COG6: variants seen among roughly 807,000 people sequenced by gnomAD.
The protein encoded by COG6 is component of oligomeric golgi complex 6.
COG6 carries 74 observed loss-of-function variants against 88.8 expected under a neutral mutation model. The ratio of observed to expected loss-of-function variants is 0.83; its 90% CI spans 0.69 to 1.01. COG6 has a LOEUF of 1.01. Ranked by LOEUF, COG6 falls within the 50% of genes least tolerant of loss-of-function variation. The pLI, the probability that COG6 is intolerant of heterozygous loss-of-function variation, is 0.00. For missense variants in COG6, 800 were observed against 797.9 expected, an observed-to-expected ratio of 1.00 and a Z score of -0.03; for synonymous variants, 286 against 278.7, an observed-to-expected ratio of 1.03 and a Z score of -0.26.
rs1273890543 is a variant in COG6, at chr13:39,751,791, G to A, written c.*698G>A. ...ATTTAAACAGGGTGGATTCCACTCT[G>A]TGGGAGCCTTCGATGGAACTCAAGG... On this transcript the variant is annotated 3_prime_UTR_variant, in exon 19 of 19. Coordinates refer to ENST00000455146, the MANE Select transcript of COG6 (RefSeq NM_020751.3). 2.3e-6 allele frequency: 3 copies of A among 1,287,078 alleles called. No individual in the cohort carries two copies. The East Asian group carries it at 1.7e-4, about 71-fold the overall frequency. The allele number at this position is 1,287,078 out of a possible 1,614,324, so 79.7% of individuals were successfully genotyped here.
At chr13:39,747,779 G>A (rs540294967) in intron 18 of COG6, among the ~76,000 whole-genome samples, 1 of 152,042 alleles carries the variant, frequency 6.6e-6, no homozygotes, top group Non-Finnish European at 1.5e-5. Context: ...AGAAACAAAT[G>A]TGTCAAGTTA....
At chr13:39,681,459 G>C (rs1238857770) in intron 7 of COG6, among the ~76,000 whole-genome samples, 1 of 152,092 alleles carries the variant, frequency 6.6e-6, no homozygotes, top group South Asian at 2.1e-4. Flanking sequence ...TTACATAGTG[G>C]TTCCCAACTG....
intron 17 of COG6, among the ~76,000 whole-genome samples, chr13:39,725,766 A>G (rs1426123473): frequency 2.0e-5 from 3 of 152,028 alleles, no homozygotes; most frequent in East Asian, 1.9e-4. Flanking sequence ...ATAAAAATAG[A>G]TGAAAATGAA....
chr13:39,711,551 C>T (rs1878239249), intron 13 of COG6, among the ~76,000 whole-genome samples: 1 of 151,576 alleles, frequency 6.6e-6, no homozygotes, highest in Non-Finnish European at 1.5e-5. Context: ...TAATCTGTCC[C>T]TACTTTAGTT....
chr13:39,769,907 T>C (rs998097487), intron 18 of COG6, among the ~76,000 whole-genome samples: 1 of 152,220 alleles, frequency 6.6e-6, no homozygotes, highest in African/African-American at 2.4e-5. Flanking sequence ...GCCTTTGATC[T>C]TGGACTTCCC....
rs568699341 is a variant in COG6, at chr13:39,702,872, T to C, written c.1284+3254T>C. On this transcript the variant is annotated intron_variant, in intron 13 of 18. Transcript: ENST00000455146. ...ATCAATATACAAATGTAATTAATTT[T>C]CTTATATACCAGCTCATGAGGTGCT... Among the ~76,000 whole-genome samples the C allele has an allele frequency of 2.7e-3, 405 of 152,248 alleles. 1 individual carries two copies. Among genetic ancestry groups the C allele is most frequent in the Middle Eastern group, 6.8e-3 (2 of 294 alleles).
At chr13:39,714,457 G>T (rs1878414179) in intron 13 of COG6, among the ~76,000 whole-genome samples, 1 of 151,798 alleles carries the variant, frequency 6.6e-6, no homozygotes, top group Non-Finnish European at 1.5e-5. Flanking sequence ...TCAAAAAGTG[G>T]GCAAATGAGA....
At chr13:39,675,491 A>G (rs1875913600) in intron 4 of COG6, among the ~76,000 whole-genome samples, 1 of 152,200 alleles carries the variant, frequency 6.6e-6, no homozygotes, top group South Asian at 2.1e-4. Flanking sequence ...TTTTAAAGTT[A>G]CCATCTTGAT....
At chr13:39,679,347 A>G in intron 5 of COG6, 191 bp from the exon 6 acceptor site, 1 of 586,200 alleles carries the variant, frequency 1.7e-6, no homozygotes, top group Non-Finnish European at 3.1e-6. Context: ...TTAATATATT[A>G]ATATGTCTTA....
chr13:39,771,800 C>T (rs895726052), intron 18 of COG6, among the ~76,000 whole-genome samples: 12 of 152,214 alleles, frequency 7.9e-5, no homozygotes, highest in Non-Finnish European at 1.6e-4. Context: ...CATCTCATCC[C>T]CCTGCCTGAT....
At chr13:39,757,406 A>G (rs1880873039), downstream of COG6, among the ~76,000 whole-genome samples, 1 of 152,052 alleles carries the variant, frequency 6.6e-6, no homozygotes, top group Admixed American at 6.5e-5. Context: ...AAGAAACATA[A>G]AAGAAGAGCA....
chr13:39,677,789 T>C (rs1876062539), intron 5 of COG6, among the ~76,000 whole-genome samples: 1 of 152,224 alleles, frequency 6.6e-6, no homozygotes, highest in African/African-American at 2.4e-5. Flanking sequence ...AAAGAAAATC[T>C]ATGTCACCTA....
chr13:39,740,911 C>T (rs762833108), intron 18 of COG6, among the ~76,000 whole-genome samples: 3 of 151,990 alleles, frequency 2.0e-5, no homozygotes, highest in East Asian at 1.9e-4. Context: ...CTCTTAACTG[C>T]GGTGCTAAAA....
chr13:39,710,051 T>C (rs962857544), intron 13 of COG6, among the ~76,000 whole-genome samples: 1 of 152,188 alleles, frequency 6.6e-6, no homozygotes, highest in South Asian at 2.1e-4. Flanking sequence ...AAAAAAGCTT[T>C]CTGAGGCTTT....
chr13:39,715,208 A>C lies in COG6; in HGVS notation c.1285-4028A>C, dbSNP rs188342740. Among the ~76,000 whole-genome samples the C allele has an allele frequency of 1.2e-3, 187 of 151,950 alleles. No individual in the cohort carries two copies. The Middle Eastern group carries it at 0.027, about 22-fold the overall frequency. ...TGTACACCAAAAGCTGTTAAAATTT[A>C]AAAAAAAATTTTTAAAGATTTATTG... is the stretch of plus-strand genomic sequence containing the variant. On this transcript the variant is annotated intron_variant, in intron 13 of 18. Coordinates refer to ENST00000455146, the MANE Select transcript of COG6 (RefSeq NM_020751.3).
chr13:39,705,289 T>G (rs1371722411), intron 13 of COG6, among the ~76,000 whole-genome samples: 3 of 152,154 alleles, frequency 2.0e-5, no homozygotes, highest in Non-Finnish European at 4.4e-5. Flanking sequence ...AAAGACATAC[T>G]TGGGAGCTAA....
chr13:39,689,565 A>G (rs1403024914), intron 10 of COG6, among the ~76,000 whole-genome samples, 195 bp from the exon 11 acceptor site: 1 of 152,122 alleles, frequency 6.6e-6, no homozygotes, highest in East Asian at 1.9e-4. Context: ...ATTAGGTATT[A>G]TCACAATTAA....
At chr13:39,697,035 T>C (rs149628787) in intron 12 of COG6, among the ~76,000 whole-genome samples, 299 of 149,396 alleles carry the variant, frequency 2.0e-3, no homozygotes, top group Non-Finnish European at 2.7e-3. Flanking sequence ...GTGAATGGTA[T>C]TGTTTGCTGA....
intron 13 of COG6, among the ~76,000 whole-genome samples, chr13:39,706,008 AT>A (rs1416295767): frequency 1.5e-4 from 23 of 152,084 alleles, no homozygotes; most frequent in African/African-American, 5.1e-4. Flanking sequence ...ATTTAAAAAA[AT>A]AAAAGTGTGT....
Sources: gnomAD v4.1 joint callset for allele counts (sites outside exome capture counted in the v4.1 genomes callset) on GRCh38, gnomAD v4.1.1 for gene constraint, MANE v1.5 for transcripts, NCBI Gene and HGNC (gene_info 2026-07-23, HGNC 2026-07-21) for gene names.